The following KDM2A variants were observed in gnomAD, a reference collection of about 807,000 sequenced individuals.
The protein encoded by KDM2A is lysine demethylase 2A.
KDM2A carries 3 observed loss-of-function variants against 137.3 expected under a neutral mutation model. The observed-to-expected ratio is 0.02, with a 90% CI of 0.01 to 0.06. The LOEUF (loss-of-function observed/expected upper bound fraction) is 0.06, where lower values mean the gene tolerates loss of function less well. Among genes scored for constraint, KDM2A ranks in the 10% least tolerant of loss-of-function variants. KDM2A has a pLI of 1.00. For synonymous variants in KDM2A, 512 were observed against 541.5 expected, an observed-to-expected ratio of 0.95 and a Z score of 0.76; for missense variants, 738 against 1,510.6, an observed-to-expected ratio of 0.49 and a Z score of 8.48.
intron 2 of KDM2A, among the ~76,000 whole-genome samples, chr11:67,163,841 C>T (rs547430565): frequency 1.0e-3 from 150 of 148,714 alleles, no homozygotes; most frequent in African/African-American, 3.6e-3. Flanking sequence ...GGTGACAGAG[C>T]GACACTCCAT....
rs756503460 is a variant in KDM2A at position 67,169,759 on chromosome 11, C to CTCTCTCTCTCTT, written c.43-10319_43-10318insCTCTCTCTCTTT. ...TCTCTCTCTCTCTCTCTCTCTCTCT[C>CTCTCTCTCTCTT]TTTTTTTTTTTTTTTTGAGACGGAG... On this transcript the variant is annotated intron_variant, in intron 2 of 20. Coordinates refer to ENST00000529006, the MANE Select transcript of KDM2A (RefSeq NM_012308.3). 4.3e-4 allele frequency among the ~76,000 whole-genome samples: 28 copies of CTCTCTCTCTCTT among 65,690 alleles called. 1 individual carries two copies. The highest frequency in any genetic ancestry group is 1.6e-3 in the South Asian group (2 of 1,288). The allele number at this position is 65,690 out of a possible 152,430, so 43.1% of individuals were successfully genotyped here. A position where few individuals can be genotyped will look rare whatever the true frequency, so the allele number is the denominator to read the frequency against.
intron 2 of KDM2A, among the ~76,000 whole-genome samples, chr11:67,155,143 T>C (rs1856484761): frequency 6.6e-6 from 1 of 152,100 alleles, no homozygotes; most frequent in South Asian, 2.1e-4. Flanking sequence ...GCCTCCTGAG[T>C]AGCTGGGGTT....
Position 67,124,921 on chromosome 11 carries a change from G to A in KDM2A, c.42+3563G>A, listed in dbSNP as rs1244420088. Among the ~76,000 whole-genome samples the A allele has an allele frequency of 3.3e-5, 5 of 149,354 alleles. No homozygotes were observed. The East Asian group carries it at 5.9e-4, about 18-fold the overall frequency. On this transcript the variant is annotated intron_variant, in intron 2 of 20. Transcript: ENST00000529006. ...CGCCCAGGCTGGAGTGCAGTGGCTC[G>A]ATCTTGGCTCACTGCAAGCTCTACC...
chr11:67,229,374 C>G (rs913997007), intron 11 of KDM2A, among the ~76,000 whole-genome samples: 2 of 152,158 alleles, frequency 1.3e-5, no homozygotes, highest in African/African-American at 4.8e-5. Flanking sequence ...CAACATCTAT[C>G]AGAGAAATAT....
intron 2 of KDM2A, among the ~76,000 whole-genome samples, chr11:67,139,119 C>A (rs898335822): frequency 7.9e-5 from 12 of 152,100 alleles, no homozygotes; most frequent in Non-Finnish European, 1.8e-4. Context: ...ATTTAAATAA[C>A]CTTCAGTGAG....
chr11:67,177,570 G>C (rs767027847), intron 2 of KDM2A, among the ~76,000 whole-genome samples: 1 of 151,820 alleles, frequency 6.6e-6, no homozygotes. Context: ...ACTGTCTTCC[G>C]CCTCCACATC....
chr11:67,187,548 T>TTTTATTTATTTA lies in KDM2A; in HGVS notation c.307+5688_307+5699dup, dbSNP rs138753050. 7.8e-3 allele frequency among the ~76,000 whole-genome samples: 1,156 copies of TTTTATTTATTTA among 147,548 alleles called. 11 individuals carry two copies. The highest frequency in any genetic ancestry group is 0.027 in the African/African-American group (1,059 of 39,238). ...GACATTTATTAATTTATTTAATTGA[T>TTTTATTTATTTA]TTTATTTATTTATTTATTTATTTAT... is the stretch of plus-strand genomic sequence containing the variant. On this transcript the variant is annotated intron_variant, in intron 5 of 20. Transcript: ENST00000529006.
intron 12 of KDM2A, among the ~76,000 whole-genome samples, chr11:67,236,136 T>C (rs1376856288): frequency 6.6e-6 from 1 of 151,896 alleles, no homozygotes; most frequent in Non-Finnish European, 1.5e-5. Context: ...AATTTGTGGT[T>C]TTTTTGTTTT....
At chr11:67,159,049 C>T (rs377013543) in intron 2 of KDM2A, among the ~76,000 whole-genome samples, 109 of 152,086 alleles carry the variant, frequency 7.2e-4, no homozygotes, top group Middle Eastern at 3.4e-3. Flanking sequence ...TTATTTTTTT[C>T]ATGGATCATG....
chr11:67,166,690 T>C (rs1341201099), intron 2 of KDM2A, among the ~76,000 whole-genome samples: 1 of 151,408 alleles, frequency 6.6e-6, no homozygotes, highest in Non-Finnish European at 1.5e-5. Context: ...ATCAGGTATC[T>C]GTACTAAGTT....
At chr11:67,231,990 A>G in intron 12 of KDM2A, 30 bp downstream of exon 12, 1 of 1,573,672 alleles carries the variant, frequency 6.4e-7, no homozygotes, top group Non-Finnish European at 8.6e-7. Context: ...CATGACAGCT[A>G]CTGATCCAGC....
Position 67,235,100 on chromosome 11 carries a change from G to C in KDM2A, c.1479+3140G>C, listed in dbSNP as rs1018167801. On this transcript the variant is annotated intron_variant, in intron 12 of 20. Coordinates refer to ENST00000529006, the MANE Select transcript of KDM2A (RefSeq NM_012308.3). Reference sequence around the variant, plus strand: ...GCGGAGCTTGCAGTGAGCCCAGATGGCACCACTGCACTCCAGCCTGGGTGA... The same window carrying C: ...GCGGAGCTTGCAGTGAGCCCAGATGCCACCACTGCACTCCAGCCTGGGTGA... Among the ~76,000 whole-genome samples the C allele has an allele frequency of 1.2e-4, 17 of 141,320 alleles. 1 individual carries two copies. Among genetic ancestry groups the C allele is most frequent in the African/African-American group, 3.5e-4 (13 of 36,978 alleles). The allele number at this position is 141,320 out of a possible 152,430, so 92.7% of individuals were successfully genotyped here. A position where few individuals can be genotyped will look rare whatever the true frequency, so the allele number is the denominator to read the frequency against.
chr11:67,165,537 AGACT>A (rs1453684800), intron 2 of KDM2A, among the ~76,000 whole-genome samples: 1 of 152,202 alleles, frequency 6.6e-6, no homozygotes, highest in African/African-American at 2.4e-5. Context: ...GTTGATTAAG[AGACT>A]GACCTTTGTC....
chr11:67,148,736 G>A (rs938417684), intron 2 of KDM2A, among the ~76,000 whole-genome samples: 1 of 152,114 alleles, frequency 6.6e-6, no homozygotes, highest in Non-Finnish European at 1.5e-5. Flanking sequence ...GGGAGGTGGA[G>A]GTTGCAGTGA....
chr11:67,241,400 GGGATCTTAGTAGA>G (rs1200765287), intron 12 of KDM2A, among the ~76,000 whole-genome samples: 1 of 151,340 alleles, frequency 6.6e-6, no homozygotes, highest in Admixed American at 6.6e-5. Flanking sequence ...TTGGCAAAAG[GGGATCTTAGTAGA>G]GGAGCTTCTT....
chr11:67,231,808 T>A lies in KDM2A; in HGVS notation c.1327T>A (p.Cys443Ser). 1.2e-6 allele frequency: 2 copies of A among 1,614,058 alleles called. No individual in the cohort carries two copies. The highest frequency in any genetic ancestry group is 1.7e-6 in the Non-Finnish European group (2 of 1,179,902). Reference sequence around the variant, plus strand: ...CAATGGACAAGTGTGGGATCCCCAGTGTGCTCCCCGAAAGGACAGGCAAGT... The same window carrying A: ...CAATGGACAAGTGTGGGATCCCCAGAGTGCTCCCCGAAAGGACAGGCAAGT... ...SHNGQVWDPQ[C>S]APRKDRQVHL... Residue 443 changes from cysteine (C) to serine (S), a missense_variant, in exon 12 of 21, where the codon TGT (cysteine) becomes AGT (serine). Cys to Ser is a moderately radical substitution (Grantham distance 112). This residue lies in a region of KDM2A where 113 missense variants were observed against 133.5 expected (regional missense o/e 0.85). Transcript: ENST00000529006.
chr11:67,255,628 T>C lies in KDM2A; in HGVS notation c.*573T>C, dbSNP rs981017461. On this transcript the variant is annotated 3_prime_UTR_variant, in exon 21 of 21. Transcript: ENST00000529006. ...AAACCTCACGTCCTTAACTGTGCTC[T>C]CCCTCCTTTCCTCTCCCTTGAGCTT... 1 of 453,204 alleles carries C rather than the reference T, an allele frequency of 2.2e-6. No homozygotes were observed. The highest frequency in any genetic ancestry group is 2.0e-5 in the African/African-American group (1 of 49,960). 28.1% of individuals were successfully genotyped at this position (453,204 alleles called of 1,614,324 possible). A position where few individuals can be genotyped will look rare whatever the true frequency, so the allele number is the denominator to read the frequency against.
chr11:67,179,259 G>GTT (rs200253663), intron 2 of KDM2A, among the ~76,000 whole-genome samples: 1 of 151,726 alleles, frequency 6.6e-6, no homozygotes, highest in Non-Finnish European at 1.5e-5. Flanking sequence ...GGAATGCTGG[G>GTT]TTTTTTTTGT....
intron 10 of KDM2A, among the ~76,000 whole-genome samples, chr11:67,224,828 ATTTTTTT>A (rs764581976): frequency 9.1e-5 from 6 of 66,290 alleles, no homozygotes; most frequent in South Asian, 4.9e-4. Flanking sequence ...CAGCTGCAGC[ATTTTTTT>A]TTTTTTTTTT....
Sources: allele counts gnomAD v4.1 joint callset (sites outside exome capture counted in the v4.1 genomes callset), GRCh38; gene constraint gnomAD v4.1.1; regional missense constraint gnomAD v4.1.1; transcripts MANE v1.5; gene names NCBI Gene and HGNC (gene_info 2026-07-23, HGNC 2026-07-21).